The following SDK1 variants were observed in gnomAD, a reference collection of about 807,000 sequenced individuals.
The protein encoded by SDK1 is sidekick cell adhesion molecule 1, also known as protein sidekick-1.
A neutral mutation model predicts 245.5 loss-of-function variants in SDK1; 157 were observed. That is an observed-to-expected ratio of 0.64 (90% CI 0.56 to 0.73). The LOEUF (loss-of-function observed/expected upper bound fraction) is 0.73, where lower values mean the gene tolerates loss of function less well. SDK1 is among the 30% of genes least tolerant of loss of function. The pLI is 0.00. For missense variants in SDK1, 3,583 were observed against 3,002.3 expected, an observed-to-expected ratio of 1.19 and a Z score of -4.52; for synonymous variants, 1,647 against 1,278.5, an observed-to-expected ratio of 1.29 and a Z score of -6.15.
chr7:3,483,221 G>C (rs370364450), intron 1 of SDK1, among the ~76,000 whole-genome samples: 1 of 152,130 alleles, frequency 6.6e-6, no homozygotes, highest in Non-Finnish European at 1.5e-5. Context: ...TTGAGTCCTA[G>C]CATTTCTGAA....
At chr7:3,744,945 C>T (rs894511799) in intron 4 of SDK1, among the ~76,000 whole-genome samples, 7 of 152,100 alleles carry the variant, frequency 4.6e-5, no homozygotes, top group African/African-American at 1.7e-4. Context: ...TTTTCCCTCA[C>T]GAAGGCCAAA....
At chr7:3,663,641 C>G (rs1344548757) in intron 4 of SDK1, among the ~76,000 whole-genome samples, 1 of 152,030 alleles carries the variant, frequency 6.6e-6, no homozygotes, top group Admixed American at 6.5e-5. Flanking sequence ...CAGGACTGTC[C>G]CAGTTTTAGC....
chr7:3,308,810 C>G (rs1437277123), intron 1 of SDK1, among the ~76,000 whole-genome samples: 5 of 151,996 alleles, frequency 3.3e-5, no homozygotes, highest in South Asian at 4.1e-4. Flanking sequence ...AGACCTAATT[C>G]TTTACCTTGA....
At chr7:4,124,731 C>T (rs1164923743) in intron 25 of SDK1, among the ~76,000 whole-genome samples, 3 of 152,234 alleles carry the variant, frequency 2.0e-5, no homozygotes, top group African/African-American at 7.2e-5. Flanking sequence ...TGCAAGCCCC[C>T]CACCATGTTA....
chr7:3,580,748 C>T (rs1780453108), intron 1 of SDK1, among the ~76,000 whole-genome samples: 1 of 151,992 alleles, frequency 6.6e-6, no homozygotes, highest in Non-Finnish European at 1.5e-5. Flanking sequence ...GCAGGCGGAG[C>T]ATGAGGTCAA....
intron 1 of SDK1, among the ~76,000 whole-genome samples, chr7:3,367,940 T>C (rs78893271): frequency 0.024 from 3,624 of 152,330 alleles, 157 homozygotes; most frequent in African/African-American, 0.082. Flanking sequence ...AATTTCCACT[T>C]ATTGCATGTT....
At chr7:4,145,311 C>G (rs1288530296) in intron 28 of SDK1, among the ~76,000 whole-genome samples, 1 of 152,118 alleles carries the variant, frequency 6.6e-6, no homozygotes, top group Non-Finnish European at 1.5e-5. Flanking sequence ...GGAGGCCATG[C>G]TGTCTTTTGC....
At chr7:4,060,078 T>G (rs1301136906) in intron 19 of SDK1, among the ~76,000 whole-genome samples, 1 of 152,020 alleles carries the variant, frequency 6.6e-6, no homozygotes, top group African/African-American at 2.4e-5. Flanking sequence ...AGACGGGGTT[T>G]CACCATGTTA....
At chr7:3,848,657 C>G (rs1469145703) in intron 5 of SDK1, among the ~76,000 whole-genome samples, 1 of 151,954 alleles carries the variant, frequency 6.6e-6, no homozygotes, top group Admixed American at 6.6e-5. Flanking sequence ...TCTGCAATGA[C>G]TATAGAGTTG....
intron 1 of SDK1, among the ~76,000 whole-genome samples, chr7:3,403,824 C>CACAT (rs71550401): frequency 1.6e-5 from 1 of 60,750 alleles, no homozygotes; most frequent in Non-Finnish European, 3.5e-5. Context: ...AAATATCTTA[C>CACAT]ATATATATAT....
intron 14 of SDK1, among the ~76,000 whole-genome samples, chr7:3,994,253 A>G (rs1433914553): frequency 6.6e-6 from 1 of 151,262 alleles, no homozygotes; most frequent in African/African-American, 2.4e-5. Flanking sequence ...AATGTCTTCC[A>G]CACATCTACA....
intron 1 of SDK1, among the ~76,000 whole-genome samples, chr7:3,315,974 A>G (rs1189689760): frequency 6.6e-6 from 1 of 152,154 alleles, no homozygotes; most frequent in African/African-American, 2.4e-5. Context: ...TGATAAACAC[A>G]TTTGTACCAT....
chr7:3,897,911 GCT>G (rs967817838), intron 5 of SDK1, among the ~76,000 whole-genome samples: 4 of 149,046 alleles, frequency 2.7e-5, no homozygotes, highest in African/African-American at 1.0e-4. Flanking sequence ...TCTTCTCTTT[GCT>G]CTTTCTTTTC....
rs34730685 is a variant in SDK1 at position 4,087,029 on chromosome 7, CA to C, written c.3324+7461del. The stretch of plus-strand genomic sequence containing the variant: ...CAACATGTATATATTTTTTGCCATG[CA>C]AAAAAAAAAAAAAAATTGAAGTCTA... On this transcript the variant is annotated intron_variant, in intron 22 of 44. Transcript: ENST00000404826. Among the ~76,000 whole-genome samples, 949 of 119,376 alleles carry C rather than the reference CA, an allele frequency of 7.9e-3. 5 individuals are homozygous for C. Among genetic ancestry groups the C allele is most frequent in the Non-Finnish European group, 8.5e-3 (460 of 54,034 alleles). The allele number at this position is 119,376 out of a possible 152,430, so 78.3% of individuals were successfully genotyped here.
rs116910397 is a variant in SDK1, at chr7:3,646,987, G to T, written c.713+4882G>T. 8.0e-3 allele frequency among the ~76,000 whole-genome samples: 1,213 copies of T among 152,286 alleles called. 2 individuals are homozygous for T. Among genetic ancestry groups the T allele is most frequent in the Non-Finnish European group, 0.014 (947 of 68,008 alleles). On this transcript the variant is annotated intron_variant, in intron 4 of 44. Coordinates refer to ENST00000404826, the MANE Select transcript of SDK1 (RefSeq NM_152744.4). ...TGGGGAGTTATGTTTAATGGGTACA[G>T]AGTTTCACAAGATGGAAAGATGTGC...
At position 4,026,112 on chromosome 7, in the gene SDK1, CCA is replaced by C. The variant is rs566997459; in HGVS notation, c.2602+8763_2602+8764del. Reference sequence around the variant, plus strand: ...CACGCCAGGCCGCAGCGCTGGTCTTCCACAGTCCCCATGCTGTATGGAAAAGG... The same window carrying C: ...CACGCCAGGCCGCAGCGCTGGTCTTCCAGTCCCCATGCTGTATGGAAAAGG... On this transcript the variant is annotated intron_variant, in intron 17 of 44. Coordinates refer to ENST00000404826, the MANE Select transcript of SDK1 (RefSeq NM_152744.4). This position sits in a 1 kb window ranked among gnomAD's most constrained non-coding sequence, Gnocchi z 4.1. Among the ~76,000 whole-genome samples the C allele has an allele frequency of 9.8e-4, 150 of 152,362 alleles. 2 individuals are homozygous for C. The highest frequency in any genetic ancestry group is 8.5e-3 in the South Asian group (41 of 4,834).
In SDK1 at chr7:3,951,099, A is replaced by G. The variant is rs1361976883; in HGVS notation, c.959+65A>G. On this transcript the variant is annotated intron_variant, in intron 6 of 44. Transcript: ENST00000404826. ...CCATGACCTGTGACGAGCCGACGAT[A>G]GAAGGATACACTGGAGCATGAGGTT... The G allele has an allele frequency of 2.5e-6, 3 of 1,193,252 alleles. No homozygotes were observed. The East Asian group carries it at 7.1e-5, about 28-fold the overall frequency. 73.9% of individuals were successfully genotyped at this position (1,193,252 alleles called of 1,614,324 possible).
At chr7:3,685,893 A>G (rs1021545248) in intron 4 of SDK1, among the ~76,000 whole-genome samples, 20 of 152,254 alleles carry the variant, frequency 1.3e-4, no homozygotes, top group Admixed American at 5.9e-4. Flanking sequence ...CACGTTTAAC[A>G]TGCATATCAA....
intron 1 of SDK1, among the ~76,000 whole-genome samples, chr7:3,347,894 T>G (rs62437706): frequency 3.7e-5 from 1 of 26,766 alleles, no homozygotes. Context: ...TTAAATATGT[T>G]TTTTTTTTTT....
Sources: allele counts gnomAD v4.1 joint callset (sites outside exome capture counted in the v4.1 genomes callset), GRCh38; gene constraint gnomAD v4.1.1; non-coding constraint Gnocchi (gnomAD v3.1); transcripts MANE v1.5; gene names NCBI Gene and HGNC (gene_info 2026-07-23, HGNC 2026-07-21).